The following GNA12 variants were observed in gnomAD, a reference collection of about 807,000 sequenced individuals.
The protein encoded by GNA12 is G protein subunit alpha 12.
Under a neutral mutation model 26.0 loss-of-function variants are expected in GNA12, and 9 were observed. The ratio of observed to expected loss-of-function variants is 0.35; its 90% confidence interval spans 0.21 to 0.60. The LOEUF is 0.60. Ranked by LOEUF, GNA12 falls within the 20% of genes least tolerant of loss-of-function variation. The pLI, the probability that GNA12 is intolerant of heterozygous loss-of-function variation, is 0.78. For missense variants in GNA12, 405 were observed against 525.8 expected (o/e 0.77, Z 2.25); for synonymous variants, 264 against 219.6 (o/e 1.20, Z -1.79).
At chr7:2,781,575 C>A (rs1385839693) in intron 2 of GNA12, among the ~76,000 whole-genome samples, 1 of 152,096 alleles carries the variant, frequency 6.6e-6, no homozygotes, top group Non-Finnish European at 1.5e-5. Context: ...AGAGAAAGGG[C>A]TAGCAAACTT....
chr7:2,818,788 C>G (rs1035764074), intron 1 of GNA12, among the ~76,000 whole-genome samples: 3 of 147,592 alleles, frequency 2.0e-5, no homozygotes, highest in Non-Finnish European at 3.0e-5. Context: ...AAAGGACAAA[C>G]GAACAAGGGA....
chr7:2,843,990 C>G lies in GNA12; in HGVS notation c.172G>C (p.Val58Leu). 5 of 1,577,942 alleles carry G rather than the reference C, an allele frequency of 3.2e-6. No individual in the cohort carries two copies. The highest frequency in any genetic ancestry group is 4.3e-6 in the Non-Finnish European group (5 of 1,164,368). Residue 58 changes from valine to leucine, a missense_variant, in exon 1 of 4, where the codon GTG becomes CTG. Transcript: ENST00000275364. ...ARERRAVRRL[V>L]KILLLGAGES... ...CCCGCGCCCAGCAGCAGGATCTTCA[C>G]CAGGCGCCGGACCGCGCGCCGCTCG...
intron 1 of GNA12, among the ~76,000 whole-genome samples, chr7:2,840,993 G>A (rs1778974420): frequency 6.6e-6 from 1 of 152,218 alleles, no homozygotes; most frequent in Non-Finnish European, 1.5e-5. Flanking sequence ...TTATTGAAAT[G>A]GTCACGACAC....
At position 2,844,002 on chromosome 7, in the gene GNA12, C is replaced by G; in HGVS notation, c.160G>C (p.Val54Leu). 1 of 1,542,556 alleles carries G rather than the reference C, an allele frequency of 6.5e-7. No homozygotes were observed. Among genetic ancestry groups the G allele is most frequent in the Non-Finnish European group, 8.7e-7 (1 of 1,145,638 alleles). ...DALLARERRA[V>L]RRLVKILLLG... is the part of the protein sequence containing the mutation. ...AGCAGGATCTTCACCAGGCGCCGGA[C>G]CGCGCGCCGCTCGCGGGCCAGCAGC... Residue 54 changes from valine to leucine, a missense_variant, in exon 1 of 4, where the codon GTC (valine) becomes CTC (leucine). Coordinates refer to ENST00000275364, the MANE Select transcript of GNA12 (RefSeq NM_007353.3).
intron 2 of GNA12, among the ~76,000 whole-genome samples, chr7:2,766,857 G>C (rs1791818597): frequency 6.6e-6 from 1 of 152,162 alleles, no homozygotes. Context: ...CCCACCAACA[G>C]TGCACAAGGG....
chr7:2,744,721 G>A (rs541619766), intron 2 of GNA12, among the ~76,000 whole-genome samples: 1 of 152,160 alleles, frequency 6.6e-6, no homozygotes, highest in South Asian at 2.1e-4. Context: ...AAACTACTCT[G>A]AGCTACAGGA....
rs78782253 is a variant in GNA12 at position 2,763,834 on chromosome 7, C to A, written c.526-30333G>T. ...GAGGCCGGGACCTCTGCACTGAGAT[C>A]CCCACTCAGTGGCCTCCATGGCTGG... On this transcript the variant is annotated intron_variant, in intron 2 of 3. Coordinates refer to ENST00000275364, the MANE Select transcript of GNA12 (RefSeq NM_007353.3). Among the ~76,000 whole-genome samples the A allele has an allele frequency of 2.6e-5, 4 of 152,308 alleles. No individual in the cohort carries two copies. In the East Asian group the frequency reaches 7.7e-4, roughly 29 times the overall value.
chr7:2,771,981 T>C (rs1380029519), intron 2 of GNA12, among the ~76,000 whole-genome samples: 1 of 152,222 alleles, frequency 6.6e-6, no homozygotes, highest in Non-Finnish European at 1.5e-5. Flanking sequence ...GGAGAGCATG[T>C]GGTGTCTCAC....
chr7:2,757,759 T>G (rs1401895272), intron 2 of GNA12, among the ~76,000 whole-genome samples: 1 of 152,236 alleles, frequency 6.6e-6, no homozygotes, highest in Non-Finnish European at 1.5e-5. Flanking sequence ...AAATGTCATC[T>G]TCCCTGCACA....
At chr7:2,833,701 G>A (rs182131780) in intron 1 of GNA12, among the ~76,000 whole-genome samples, 3 of 152,056 alleles carry the variant, frequency 2.0e-5, no homozygotes, top group African/African-American at 4.8e-5. Context: ...AGGTAAACCT[G>A]TTAAATGCAA....
intron 2 of GNA12, among the ~76,000 whole-genome samples, chr7:2,737,533 C>T (rs1003633359): frequency 2.6e-5 from 4 of 152,144 alleles, no homozygotes; most frequent in Admixed American, 1.3e-4. Context: ...AGGTAATCCA[C>T]CCACCTCAGC....
chr7:2,743,225 C>T (rs1790598519), intron 2 of GNA12, among the ~76,000 whole-genome samples: 2 of 152,200 alleles, frequency 1.3e-5, no homozygotes, highest in South Asian at 4.1e-4. Context: ...GTGATCTAAG[C>T]AACCACCAGC....
chr7:2,733,537 G>C (rs117101662), intron 2 of GNA12, 36 bp from the exon 3 acceptor site: 1 of 1,552,636 alleles, frequency 6.4e-7, no homozygotes, highest in Non-Finnish European at 8.9e-7. Context: ...GCTCAGTCTG[G>C]ACTGAGGAAT....
intron 2 of GNA12, among the ~76,000 whole-genome samples, chr7:2,745,563 A>T (rs926152867): frequency 2.6e-5 from 4 of 152,314 alleles, no homozygotes; most frequent in Admixed American, 2.0e-4. Context: ...CACTGCAATA[A>T]CATACCAAAT....
intron 1 of GNA12, among the ~76,000 whole-genome samples, chr7:2,822,281 A>C (rs1793386952): frequency 1.3e-5 from 2 of 152,154 alleles, no homozygotes; most frequent in African/African-American, 4.8e-5. Flanking sequence ...GTCAGGCTTC[A>C]CTGGGCAATT....
At chr7:2,771,774 A>G (rs531821094) in intron 2 of GNA12, among the ~76,000 whole-genome samples, 1 of 152,138 alleles carries the variant, frequency 6.6e-6, no homozygotes, top group Non-Finnish European at 1.5e-5. Flanking sequence ...AAATATTTTC[A>G]CTTCTCTTTG....
intron 1 of GNA12, among the ~76,000 whole-genome samples, chr7:2,832,040 C>T (rs142765364): frequency 2.0e-5 from 3 of 152,172 alleles, no homozygotes; most frequent in Admixed American, 6.5e-5. Context: ...CTGCCAGTAT[C>T]TCACCTTGAC....
intron 1 of GNA12, among the ~76,000 whole-genome samples, chr7:2,807,778 C>T (rs1001528195): frequency 3.3e-5 from 5 of 152,162 alleles, no homozygotes; most frequent in South Asian, 2.1e-4. Context: ...GCACCAAAAA[C>T]GCACTTGGAC....
At chr7:2,809,129 G>A (rs912757014) in intron 1 of GNA12, among the ~76,000 whole-genome samples, 1 of 151,982 alleles carries the variant, frequency 6.6e-6, no homozygotes, top group Non-Finnish European at 1.5e-5. Flanking sequence ...CTGGCTACCC[G>A]CCTTCAGAGT....
Sources: allele counts gnomAD v4.1 joint callset (sites outside exome capture counted in the v4.1 genomes callset), GRCh38; gene constraint gnomAD v4.1.1; transcripts MANE v1.5; gene names NCBI Gene and HGNC (gene_info 2026-07-23, HGNC 2026-07-21).